Variants in AKAP6 observed in about 807,000 individuals in gnomAD.
AKAP6 encodes the protein A-kinase anchor protein 6.
AKAP6 carries 58 observed loss-of-function variants against 188.5 expected under a neutral mutation model. The ratio of observed to expected loss-of-function variants is 0.31; its 90% CI spans 0.25 to 0.38. AKAP6 has a LOEUF of 0.38. AKAP6 is among the 10% of genes least tolerant of loss of function. AKAP6 has a pLI of 1.00. For missense variants in AKAP6, 2,710 were observed against 2,740.0 expected (o/e 0.99, Z 0.24); for synonymous variants, 989 against 998.6 (o/e 0.99, Z 0.18).
At chr14:32,753,460 C>T (rs891215765) in intron 11 of AKAP6, among the ~76,000 whole-genome samples, 1 of 152,068 alleles carries the variant, frequency 6.6e-6, no homozygotes, top group African/African-American at 2.4e-5. Context: ...TATTTTCTTC[C>T]ATTCAGTAGG....
chr14:32,452,182 T>C (rs1365056256), intron 2 of AKAP6, among the ~76,000 whole-genome samples: 1 of 151,868 alleles, frequency 6.6e-6, no homozygotes, highest in Non-Finnish European at 1.5e-5. Context: ...CACACCCAGG[T>C]CACCATGCTT....
chr14:32,540,168 C>CTCTCTCTCTA (rs1240063339), intron 3 of AKAP6, among the ~76,000 whole-genome samples: 30 of 60,914 alleles, frequency 4.9e-4, no homozygotes, highest in Admixed American at 1.8e-3. Flanking sequence ...CTCTCTCTCT[C>CTCTCTCTCTA]TATATATATA....
chr14:32,455,287 G>A (rs1891115232), intron 2 of AKAP6, among the ~76,000 whole-genome samples: 1 of 152,060 alleles, frequency 6.6e-6, no homozygotes, highest in South Asian at 2.1e-4. Flanking sequence ...ATTTGTATGT[G>A]ATATGAAAAT....
intron 9 of AKAP6, among the ~76,000 whole-genome samples, chr14:32,721,120 CT>C (rs1212846716): frequency 6.6e-6 from 1 of 152,118 alleles, no homozygotes; most frequent in Non-Finnish European, 1.5e-5. Flanking sequence ...TACAACAGCC[CT>C]GATATGGTGC....
At chr14:32,587,835 C>T (rs1370071529) in intron 5 of AKAP6, among the ~76,000 whole-genome samples, 1 of 152,122 alleles carries the variant, frequency 6.6e-6, no homozygotes, top group African/African-American at 2.4e-5. Flanking sequence ...GTATATGGAG[C>T]AGGACCAAGA....
At chr14:32,759,087 T>C (rs1274768963) in intron 11 of AKAP6, among the ~76,000 whole-genome samples, 3 of 152,214 alleles carry the variant, frequency 2.0e-5, no homozygotes, top group Non-Finnish European at 4.4e-5. Flanking sequence ...TAAATCATTA[T>C]TCCCATCTGG....
At chr14:32,455,949 G>A (rs1210084977) in intron 2 of AKAP6, among the ~76,000 whole-genome samples, 1 of 152,204 alleles carries the variant, frequency 6.6e-6, no homozygotes, top group African/African-American at 2.4e-5. Context: ...AGGACATTCT[G>A]GAGTGGCTGC....
At chr14:32,573,029 A>G (rs975102730) in intron 4 of AKAP6, among the ~76,000 whole-genome samples, 10 of 152,164 alleles carry the variant, frequency 6.6e-5, no homozygotes, top group Non-Finnish European at 1.5e-4. Flanking sequence ...CAGTTAATCC[A>G]TGAGAGTGGG....
chr14:32,510,446 ATATACATATATATG>A (rs1881176642), intron 2 of AKAP6, among the ~76,000 whole-genome samples: 2 of 22,678 alleles, frequency 8.8e-5, no homozygotes, highest in African/African-American at 2.0e-4. Context: ...GTGTATATAT[ATATACATATATATG>A]TGTATATATA....
chr14:32,794,229 C>T (rs2033696686), intron 12 of AKAP6, among the ~76,000 whole-genome samples: 1 of 152,082 alleles, frequency 6.6e-6, no homozygotes, highest in Non-Finnish European at 1.5e-5. Context: ...AAACATGCTC[C>T]TGAATGACTC....
At chr14:32,787,857 T>A (rs1479483562) in intron 12 of AKAP6, among the ~76,000 whole-genome samples, 1 of 152,010 alleles carries the variant, frequency 6.6e-6, no homozygotes, top group African/African-American at 2.4e-5. Context: ...TGCAAGTACA[T>A]TACATAGAGA....
intron 12 of AKAP6, among the ~76,000 whole-genome samples, chr14:32,796,821 G>A (rs2033781857): frequency 6.6e-6 from 1 of 152,164 alleles, no homozygotes; most frequent in African/African-American, 2.4e-5. Context: ...AACCAAGAGA[G>A]CTTCTGCATA....
At chr14:32,511,338 C>T (rs1471767579) in intron 2 of AKAP6, among the ~76,000 whole-genome samples, 2 of 149,030 alleles carry the variant, frequency 1.3e-5, no homozygotes, top group Admixed American at 6.7e-5. Context: ...TTAATTCATT[C>T]TGTTTACAGA....
At position 32,696,021 on chromosome 14, in the gene AKAP6, C is replaced by T. The variant is rs1890388190; in HGVS notation, c.2911C>T (p.Leu971Phe). The change falls in exon 9 of 14, where the codon CTC (leucine) becomes TTC (phenylalanine). Residue 971 changes from leucine to phenylalanine, a missense_variant. This residue lies in a region of AKAP6 where 2,473 missense variants were observed against 2,426.1 expected (regional missense o/e 1.02). Transcript: ENST00000280979. ...LLDFDSEYQELWDWLIDMESL... is the reference protein window; with the variant it reads ...LLDFDSEYQEFWDWLIDMESL... ...GGACTTTGATTCAGAATATCAGGAGCTCTGGGATTGGCTGATTGACATGGA... is the reference window on the plus strand; with the variant it reads ...GGACTTTGATTCAGAATATCAGGAGTTCTGGGATTGGCTGATTGACATGGA... 2 of 1,613,132 alleles carry T rather than the reference C, an allele frequency of 1.2e-6. No individual in the cohort carries two copies. Among genetic ancestry groups the T allele is most frequent in the East Asian group, 2.2e-5 (1 of 44,824 alleles).
chr14:32,605,221 C>G (rs1288187164), intron 7 of AKAP6, among the ~76,000 whole-genome samples: 1 of 152,032 alleles, frequency 6.6e-6, no homozygotes, highest in Non-Finnish European at 1.5e-5. Flanking sequence ...GAACAAAGTG[C>G]TATAAATACA....
intron 1 of AKAP6, among the ~76,000 whole-genome samples, chr14:32,406,118 G>A (rs553192900): frequency 6.6e-6 from 1 of 152,220 alleles, no homozygotes; most frequent in Non-Finnish European, 1.5e-5. Context: ...TCCTGGGAAG[G>A]AGTGTAGCTG....
intron 2 of AKAP6, among the ~76,000 whole-genome samples, chr14:32,462,023 T>C (rs982239538): frequency 1.3e-5 from 2 of 151,186 alleles, no homozygotes; most frequent in Non-Finnish European, 1.5e-5. Context: ...GAAGACAAGA[T>C]TAGAGGAAAA....
intron 1 of AKAP6, among the ~76,000 whole-genome samples, chr14:32,416,851 G>A (rs1276952089): frequency 6.6e-6 from 1 of 151,498 alleles, no homozygotes; most frequent in African/African-American, 2.4e-5. Context: ...TTTCTGTTTT[G>A]TTTTAAGACA....
rs1056694015 is a variant in AKAP6, at chr14:32,830,192, T to C, written c.*387T>C. Reference sequence around the variant, plus strand: ...CACCAACTGGTAGTCCATTAAATTCTCCTGTCTAGAATGACCCCCCCACCA... The same window carrying C: ...CACCAACTGGTAGTCCATTAAATTCCCCTGTCTAGAATGACCCCCCCACCA... On this transcript the variant is annotated 3_prime_UTR_variant, in exon 14 of 14. Transcript: ENST00000280979. 4.9e-5 allele frequency: 25 copies of C among 506,108 alleles called. No individual in the cohort carries two copies. Among genetic ancestry groups the C allele is most frequent in the Non-Finnish European group, 8.4e-5 (24 of 286,826 alleles). 31.4% of individuals were successfully genotyped at this position (506,108 alleles called of 1,614,324 possible).
Sources: allele counts gnomAD v4.1 joint callset (sites outside exome capture counted in the v4.1 genomes callset), GRCh38; gene constraint gnomAD v4.1.1; regional missense constraint gnomAD v4.1.1; transcripts MANE v1.5; gene names NCBI Gene and HGNC (gene_info 2026-07-23, HGNC 2026-07-21).